The following DIXDC1 variants were observed in gnomAD, a reference collection of about 807,000 sequenced individuals.
DIXDC1 encodes the protein dixin.
A neutral mutation model predicts 103.1 loss-of-function variants in DIXDC1; 64 were observed. That is an observed-to-expected ratio of 0.62 (90% CI 0.51 to 0.76). The LOEUF is 0.76. DIXDC1 is among the 30% of genes least tolerant of loss of function. The pLI is 0.00. For missense variants in DIXDC1, 759 were observed against 834.2 expected (o/e 0.91, Z 1.11); for synonymous variants, 266 against 298.5 (o/e 0.89, Z 1.12).
chr11:112,017,666 G>A lies in DIXDC1; in HGVS notation c.1863-111G>A. ...GGTTATCGGGGCAGTGACCTAACAA[G>A]GGGCTATTTCTGCTTATTGACTTTG... On this transcript the variant is annotated intron_variant, in intron 18 of 19. Coordinates refer to ENST00000440460, the MANE Select transcript of DIXDC1 (RefSeq NM_001037954.4). This position sits in a 1 kb window ranked among gnomAD's most constrained non-coding sequence, Gnocchi z 4.0. 1 of 799,592 alleles carries A rather than the reference G, an allele frequency of 1.3e-6. No homozygotes were observed. The highest frequency in any genetic ancestry group is 2.0e-6 in the Non-Finnish European group (1 of 496,216). The allele number at this position is 799,592 out of a possible 1,614,324, so 49.5% of individuals were successfully genotyped here.
At chr11:111,979,094 T>TATCTTTATTTTGATTTGATA (rs1860215598) in intron 5 of DIXDC1, among the ~76,000 whole-genome samples, 1 of 152,240 alleles carries the variant, frequency 6.6e-6, no homozygotes, top group Non-Finnish European at 1.5e-5. Context: ...GTTAAGCAAC[T>TATCTTTATTTTGATTTGATA]TTCTTTAATT....
In DIXDC1 at chr11:112,002,553, G is replaced by A. The variant is rs11214060; in HGVS notation, c.1756+6407G>A. Among the ~76,000 whole-genome samples the A allele has an allele frequency of 4.4e-3, 669 of 152,298 alleles. 3 individuals carry two copies. The highest frequency in any genetic ancestry group is 0.015 in the African/African-American group (635 of 41,564). On this transcript the variant is annotated intron_variant, in intron 17 of 19. Transcript: ENST00000440460. The stretch of plus-strand genomic sequence containing the variant: ...TGCCTGTAATCCCAGCACTTTGGGA[G>A]GCTGAGGCAGGAAGATCGCTTGAGC...
chr11:111,986,267 A>G (rs1487479030), intron 8 of DIXDC1, among the ~76,000 whole-genome samples: 2 of 151,478 alleles, frequency 1.3e-5, no homozygotes, highest in African/African-American at 4.9e-5. Context: ...GCCTTTCTTG[A>G]TCTCGCCCTG....
chr11:111,989,701 A>G (rs1247973287), intron 10 of DIXDC1, among the ~76,000 whole-genome samples: 2 of 152,110 alleles, frequency 1.3e-5, no homozygotes, highest in African/African-American at 4.8e-5. Flanking sequence ...CTAACATTCA[A>G]ATCATTTTAA....
chr11:111,992,580 C>A, intron 11 of DIXDC1, 61 bp downstream of exon 11: 1 of 1,403,866 alleles, frequency 7.1e-7, no homozygotes, highest in Non-Finnish European at 9.8e-7. Context: ...GGCTACTGCA[C>A]GAAGAACTAT....
At chr11:111,937,068 C>T (rs1009770877), upstream of DIXDC1, 3 of 261,604 alleles carry the variant, frequency 1.1e-5, no homozygotes, top group Non-Finnish European at 1.7e-5. Flanking sequence ...GCACGTTTGC[C>T]TAAAAGCCGT....
intron 7 of DIXDC1, among the ~76,000 whole-genome samples, chr11:111,983,232 T>C (rs1860376731): frequency 6.6e-6 from 1 of 152,214 alleles, no homozygotes; most frequent in Admixed American, 6.5e-5. Context: ...GTCAAATATT[T>C]ATGGACACGT....
upstream of DIXDC1, chr11:111,937,086 T>G: frequency 2.2e-5 from 7 of 314,636 alleles, no homozygotes; most frequent in Non-Finnish European, 3.1e-5. Flanking sequence ...CGTGTGAGTG[T>G]GTGTGTGTGT....
At chr11:112,016,946 T>C (rs1396199748) in intron 18 of DIXDC1, 150 bp downstream of exon 18, 1 of 645,072 alleles carries the variant, frequency 1.6e-6, no homozygotes, top group Admixed American at 3.4e-5. Context: ...AGACAGATTC[T>C]AGTTTCAGCT....
chr11:111,953,359 G>A (rs111460847), intron 1 of DIXDC1, among the ~76,000 whole-genome samples: 6,343 of 152,074 alleles, frequency 0.042, 439 homozygotes, highest in African/African-American at 0.14. Flanking sequence ...CAACCAGGCC[G>A]GGCACAGTGG....
At chr11:111,929,841 G>A (rs1555167477) in exon 2 of DIXDC1, 2 of 1,534,946 alleles carry the variant, frequency 1.3e-6, no homozygotes, top group South Asian at 2.4e-5. Flanking sequence ...GTCTCTTCTA[G>A]GGACTCTTGA....
rs376218582 is a variant in DIXDC1 at position 112,020,716 on chromosome 11, G to A, written c.*1680G>A. The stretch of plus-strand genomic sequence containing the variant: ...AATTCTACCTGTTTTAGTTGTGAAG[G>A]TAGTTTTGTGTAATCCAGTTGATTG... On this transcript the variant is annotated 3_prime_UTR_variant, in exon 20 of 20. Transcript: ENST00000440460. 17 of 152,274 alleles carry A rather than the reference G, an allele frequency of 1.1e-4. No homozygotes were observed. The South Asian group carries it at 3.5e-3, about 32-fold the overall frequency. 9.4% of individuals were successfully genotyped at this position (152,274 alleles called of 1,614,324 possible). A position where few individuals can be genotyped will look rare whatever the true frequency, so the allele number is the denominator to read the frequency against.
intron 2 of DIXDC1, among the ~76,000 whole-genome samples, chr11:111,965,441 T>C (rs1859697447): frequency 6.6e-6 from 1 of 152,176 alleles, no homozygotes; most frequent in Non-Finnish European, 1.5e-5. Flanking sequence ...ATTGTTACAT[T>C]AGTTAGCTGA....
At chr11:111,947,960 C>A (rs1555169530) in intron 1 of DIXDC1, among the ~76,000 whole-genome samples, 1 of 152,066 alleles carries the variant, frequency 6.6e-6, no homozygotes, top group Non-Finnish European at 1.5e-5. Context: ...CGAGACTAGC[C>A]TGGGCAACAT....
At chr11:111,982,210 C>T in intron 6 of DIXDC1, 129 bp from the exon 7 acceptor site, 1 of 996,810 alleles carries the variant, frequency 1.0e-6, no homozygotes, top group South Asian at 1.9e-5. Context: ...GGTGGAGAGT[C>T]CAGTCTGTGC....
intron 7 of DIXDC1, among the ~76,000 whole-genome samples, chr11:111,984,779 A>G (rs587741360): frequency 6.6e-6 from 1 of 152,342 alleles, no homozygotes; most frequent in African/African-American, 2.4e-5. Context: ...ATGCAGAATC[A>G]GTAAAACAAA....
At chr11:111,978,582 C>T (rs1182939896) in intron 5 of DIXDC1, among the ~76,000 whole-genome samples, 1 of 152,202 alleles carries the variant, frequency 6.6e-6, no homozygotes, top group Non-Finnish European at 1.5e-5. Context: ...CATCCGCCTC[C>T]TTCTGCCCTT....
chr11:111,977,541 C>T lies in DIXDC1; in HGVS notation c.656+2558C>T. The T allele has an allele frequency of 6.9e-7, 1 of 1,441,752 alleles. No homozygotes were observed. The allele number at this position is 1,441,752 out of a possible 1,614,324, so 89.3% of individuals were successfully genotyped here. On this transcript the variant is annotated intron_variant, in intron 5 of 19. Transcript: ENST00000440460. This position sits in a 1 kb window ranked among gnomAD's most constrained non-coding sequence, Gnocchi z 6.1. Reference sequence around the variant, plus strand: ...CACAGTCTGAGCGGCCGGGACTGCGCGCTTCAGAGCCTGGAGCATCCCAGT... The same window carrying T: ...CACAGTCTGAGCGGCCGGGACTGCGTGCTTCAGAGCCTGGAGCATCCCAGT...
In DIXDC1 at chr11:111,958,001, G is replaced by T. The variant is rs1448899675; in HGVS notation, c.61-6548G>T. Among the ~76,000 whole-genome samples, 1 of 152,202 alleles carries T rather than the reference G, an allele frequency of 6.6e-6. No homozygotes were observed. The highest frequency in any genetic ancestry group is 1.5e-5 in the Non-Finnish European group (1 of 68,030). Reference sequence around the variant, plus strand: ...CTGCCCCCTCTGAGTTGGCAGGGTGGGAGCTTTATGCTCTCTGGGTGCAGC... The same window carrying T: ...CTGCCCCCTCTGAGTTGGCAGGGTGTGAGCTTTATGCTCTCTGGGTGCAGC... On this transcript the variant is annotated intron_variant, in intron 1 of 19. Transcript: ENST00000440460. This position sits in a 1 kb window ranked among gnomAD's most constrained non-coding sequence, Gnocchi z 4.2.
Sources: allele counts gnomAD v4.1 joint callset (sites outside exome capture counted in the v4.1 genomes callset), GRCh38; gene constraint gnomAD v4.1.1; non-coding constraint Gnocchi (gnomAD v3.1); transcripts MANE v1.5; gene names NCBI Gene and HGNC (gene_info 2026-07-23, HGNC 2026-07-21).